The following DGKB variants were observed in gnomAD, a reference collection of about 807,000 sequenced individuals.
DGKB encodes the protein diacylglycerol kinase beta.
In DGKB, 67 loss-of-function variants were observed where a neutral mutation model predicts 114.3. That is an observed-to-expected ratio of 0.59 (90% CI 0.48 to 0.72). The LOEUF (loss-of-function observed/expected upper bound fraction) is 0.72, where lower values mean the gene tolerates loss of function less well. Ranked by LOEUF, DGKB falls within the 30% of genes least tolerant of loss-of-function variation. The probability of loss-of-function intolerance (pLI) is 0.00; values close to 1 mark genes in which losing one functional copy is unlikely to be tolerated. For synonymous variants in DGKB, 398 were observed against 323.1 expected (o/e 1.23, Z -2.49); for missense variants, 907 against 975.2 (o/e 0.93, Z 0.93).
intron 2 of DGKB, among the ~76,000 whole-genome samples, chr7:14,812,758 T>A: frequency 6.6e-6 from 1 of 152,182 alleles, no homozygotes; most frequent in East Asian, 1.9e-4. Flanking sequence ...CGTGAACTAT[T>A]CTTGGTATTA....
At chr7:14,420,403 A>G (rs1396782021) in intron 21 of DGKB, among the ~76,000 whole-genome samples, 1 of 152,060 alleles carries the variant, frequency 6.6e-6, no homozygotes, top group Non-Finnish European at 1.5e-5. Context: ...TCATTTGCCA[A>G]TATAACTGCT....
chr7:14,687,770 T>C (rs564429389), intron 9 of DGKB, among the ~76,000 whole-genome samples: 1 of 152,326 alleles, frequency 6.6e-6, no homozygotes, highest in South Asian at 2.1e-4. Context: ...TTTTAAATGA[T>C]TGTCCATTAC....
intron 20 of DGKB, among the ~76,000 whole-genome samples, chr7:14,506,435 G>T (rs1190411559): frequency 1.3e-5 from 2 of 152,094 alleles, no homozygotes; most frequent in Admixed American, 6.5e-5. Context: ...TTAAAAAAAG[G>T]TAGACAATAT....
intron 20 of DGKB, among the ~76,000 whole-genome samples, chr7:14,564,253 TTC>T (rs982617786): frequency 2.4e-4 from 36 of 152,232 alleles, no homozygotes; most frequent in Non-Finnish European, 4.9e-4. Flanking sequence ...GAAACTAGTC[TTC>T]CAGGGAGATA....
chr7:14,667,916 C>G (rs115054695), intron 13 of DGKB, among the ~76,000 whole-genome samples: 11 of 151,862 alleles, frequency 7.2e-5, no homozygotes, highest in Non-Finnish European at 1.3e-4. Context: ...ATACGAGACC[C>G]GAAGGGCTTG....
intron 20 of DGKB, among the ~76,000 whole-genome samples, chr7:14,542,651 AT>A (rs1457531556): frequency 6.6e-6 from 1 of 152,170 alleles, no homozygotes; most frequent in African/African-American, 2.4e-5. Context: ...TAAGTATAAT[AT>A]TTCTGCTTTC....
intron 23 of DGKB, among the ~76,000 whole-genome samples, chr7:14,280,242 C>T (rs1227912074): frequency 6.6e-6 from 1 of 151,890 alleles, no homozygotes; most frequent in Non-Finnish European, 1.5e-5. Flanking sequence ...ATGCGATCAA[C>T]TGGAAGAAAG....
At chr7:14,952,923 A>G (rs1039276844) in intron 1 of DGKB, among the ~76,000 whole-genome samples, 5 of 152,102 alleles carry the variant, frequency 3.3e-5, no homozygotes, top group African/African-American at 7.2e-5. Context: ...CACATTTACA[A>G]TTTGTTTCAA....
At chr7:14,458,084 C>A (rs75411102) in intron 21 of DGKB, among the ~76,000 whole-genome samples, 3,982 of 152,156 alleles carry the variant, frequency 0.026, 192 homozygotes, top group African/African-American at 0.09. Flanking sequence ...TTAAAAAAAA[C>A]GATGCTCTAA....
chr7:14,261,442 GAT>G (rs1203751666), intron 23 of DGKB, among the ~76,000 whole-genome samples: 2 of 152,170 alleles, frequency 1.3e-5, no homozygotes, highest in African/African-American at 4.8e-5. Flanking sequence ...GTAAACTTTA[GAT>G]ATCATATACT....
At chr7:14,280,145 C>A (rs1270182949) in intron 23 of DGKB, among the ~76,000 whole-genome samples, 2 of 151,508 alleles carry the variant, frequency 1.3e-5, no homozygotes, top group African/African-American at 4.9e-5. Context: ...CTAGAATAAC[C>A]AATACAGAGA....
chr7:14,462,205 A>ATT (rs761807377), intron 21 of DGKB, among the ~76,000 whole-genome samples: 2 of 152,200 alleles, frequency 1.3e-5, no homozygotes, highest in Admixed American at 6.5e-5. Flanking sequence ...CAAGACAAGG[A>ATT]TGCCCTCTCT....
intron 1 of DGKB, among the ~76,000 whole-genome samples, chr7:14,968,449 G>T (rs1375872116): frequency 2.0e-5 from 3 of 152,090 alleles, no homozygotes; most frequent in Non-Finnish European, 2.9e-5. Flanking sequence ...GATTTCAAGA[G>T]GGCTCTTTGT....
intron 2 of DGKB, among the ~76,000 whole-genome samples, chr7:14,800,756 C>G (rs530849471): frequency 6.6e-6 from 1 of 152,138 alleles, no homozygotes; most frequent in African/African-American, 2.4e-5. Context: ...ACTTTTCATG[C>G]CTTTGAATCA....
intron 23 of DGKB, among the ~76,000 whole-genome samples, chr7:14,269,918 A>T (rs1435495941): frequency 6.6e-6 from 1 of 152,068 alleles, no homozygotes; most frequent in Non-Finnish European, 1.5e-5. Context: ...AAAGCCTGTA[A>T]CACTTCATAA....
chr7:14,531,971 C>CA lies in DGKB; in HGVS notation c.1770+42240dup, dbSNP rs58996974. Among the ~76,000 whole-genome samples the CA allele has an allele frequency of 8.9e-3, 1,283 of 144,582 alleles. 10 individuals are homozygous for CA. The highest frequency in any genetic ancestry group is 0.024 in the East Asian group (120 of 5,000). The allele number at this position is 144,582 out of a possible 152,430, so 94.9% of individuals were successfully genotyped here. A position where few individuals can be genotyped will look rare whatever the true frequency, so the allele number is the denominator to read the frequency against. On this transcript the variant is annotated intron_variant, in intron 20 of 25. Transcript: ENST00000402815. The stretch of plus-strand genomic sequence containing the variant: ...AGTGAGATAATTAGATACCAATATG[C>CA]AAAAAAAAAATGAAGTTAGGCCTTC...
chr7:14,794,195 G>A (rs1841083486), intron 2 of DGKB, among the ~76,000 whole-genome samples: 1 of 152,104 alleles, frequency 6.6e-6, no homozygotes. Flanking sequence ...GGAACCAAGA[G>A]TGGTTCTAGA....
At chr7:14,525,780 A>G (rs1300925978) in intron 20 of DGKB, among the ~76,000 whole-genome samples, 1 of 152,132 alleles carries the variant, frequency 6.6e-6, no homozygotes, top group African/African-American at 2.4e-5. Context: ...CTTTTTTATT[A>G]TTTGTTCGGG....
chr7:14,926,049 C>T (rs183185253), intron 1 of DGKB, among the ~76,000 whole-genome samples: 9 of 152,080 alleles, frequency 5.9e-5, no homozygotes, highest in Admixed American at 3.3e-4. Flanking sequence ...ATTTTCTTTA[C>T]CAAATTGAAA....
Sources: allele counts gnomAD v4.1 joint callset (sites outside exome capture counted in the v4.1 genomes callset), GRCh38; gene constraint gnomAD v4.1.1; transcripts MANE v1.5; gene names NCBI Gene and HGNC (gene_info 2026-07-23, HGNC 2026-07-21).